ZNF799: variants seen among roughly 807,000 people sequenced by gnomAD.
ZNF799 encodes zinc finger protein 14.
In ZNF799, 28 loss-of-function variants were observed where a neutral mutation model predicts 41.0. The ratio of observed to expected loss-of-function variants is 0.68; its 90% CI spans 0.51 to 0.94. The LOEUF is 0.94. ZNF799 is among the 40% of genes least tolerant of loss of function. The probability of loss-of-function intolerance (pLI) is 0.00; values close to 1 mark genes in which losing one functional copy is unlikely to be tolerated. For missense variants in ZNF799, 716 were observed against 764.3 expected, an observed-to-expected ratio of 0.94 and a Z score of 0.74; for synonymous variants, 213 against 252.9, an observed-to-expected ratio of 0.84 and a Z score of 1.50.
chr19:12,400,531 C>A (rs1167730292), intron 1 of ZNF799: 1 of 163,380 alleles, frequency 6.1e-6, no homozygotes, highest in Non-Finnish European at 1.3e-5. Flanking sequence ...TGAATCCCAG[C>A]AAAGGCTGGC....
the ZNF799 span, among the ~76,000 whole-genome samples, chr19:12,406,464 A>G: frequency 4.0e-5 from 6 of 151,492 alleles, no homozygotes; most frequent in East Asian, 9.7e-4. Context: ...AGCCTGGGCA[A>G]CAGAGTGAGA....
At position 12,391,032 on chromosome 19, in the gene ZNF799, C is replaced by T. The variant is rs1345073796; in HGVS notation, c.1366G>A (p.Ala456Thr). 1 of 1,614,042 alleles carries T rather than the reference C, an allele frequency of 6.2e-7. No individual in the cohort carries two copies. Among genetic ancestry groups the T allele is most frequent in the African/African-American group, 1.3e-5 (1 of 74,932 alleles). ...EKPYKCKCGK[A>T]FIDFYSFQNH... is the part of the protein sequence containing the mutation. ...TGAAAGGAATAGAAATCAATAAAGG[C>T]TTTCCCACATTTGCATTTATAGGGT... is the stretch of plus-strand genomic sequence containing the variant. Residue 456 changes from alanine to threonine, a missense_variant, in exon 4 of 4, where the codon GCC becomes ACC. Physicochemically the swap from Ala to Thr is moderately conservative, Grantham distance 58. Around this residue, in one of 2 missense-constraint regions of ZNF799, gnomAD observed 698 missense variants for 713.6 expected, o/e 0.98. Transcript: ENST00000430385.
At chr19:12,396,874 G>A (rs1969902142) in intron 1 of ZNF799, among the ~76,000 whole-genome samples, 1 of 151,872 alleles carries the variant, frequency 6.6e-6, no homozygotes, top group African/African-American at 2.4e-5. Flanking sequence ...AATGTTAAAA[G>A]AAGTTCATCA....
At chr19:12,400,762 T>C in intron 1 of ZNF799, 1 of 558,390 alleles carries the variant, frequency 1.8e-6, no homozygotes, top group East Asian at 3.2e-5. Context: ...CTCGGTGCAG[T>C]GAGTCGGGCC....
rs376774719 is a variant in ZNF799 at position 12,397,121 on chromosome 19, T to C, written c.4-3698A>G. On this transcript the variant is annotated intron_variant, in intron 1 of 3. Transcript: ENST00000430385. ...TAGGGCAAATGGATGACGGTGATGTTAAATTGGGTGGGAGGGAGGAATGCT... is the reference window on the plus strand; with the variant it reads ...TAGGGCAAATGGATGACGGTGATGTCAAATTGGGTGGGAGGGAGGAATGCT... 9.1e-4 allele frequency among the ~76,000 whole-genome samples: 139 copies of C among 152,312 alleles called. 1 individual carries two copies. In the South Asian group the frequency reaches 0.028, roughly 30 times the overall value.
At chr19:12,403,662 C>T (rs924819152), upstream of ZNF799, among the ~76,000 whole-genome samples, 36 of 152,068 alleles carry the variant, frequency 2.4e-4, no homozygotes, top group Admixed American at 1.2e-3. Context: ...AAGCAATTCT[C>T]CTGCCTCAGC....
chr19:12,391,959 C>A lies in ZNF799; in HGVS notation c.439G>T (p.Gly147Trp). ...GEKPDTHKQR[G>W]KAFSYHNSLQ... ...GAGTTGTGGTAACTGAAGGCTTTCC[C>A]ACGTTGTTTATGCGTATCTGGCTTC... is the stretch of plus-strand genomic sequence containing the variant. Residue 147 changes from glycine to tryptophan, a missense_variant, in exon 4 of 4, where the codon GGG becomes TGG. This residue lies in a region of ZNF799 where 698 missense variants were observed against 713.6 expected (regional missense o/e 0.98). Transcript: ENST00000430385. The A allele has an allele frequency of 6.2e-7, 1 of 1,614,152 alleles. No homozygotes were observed. Among genetic ancestry groups the A allele is most frequent in the Non-Finnish European group, 8.5e-7 (1 of 1,180,014 alleles).
At chr19:12,402,416 CTTTTT>C (rs745521629), upstream of ZNF799, among the ~76,000 whole-genome samples, 2 of 125,048 alleles carry the variant, frequency 1.6e-5, no homozygotes, top group African/African-American at 6.1e-5. Flanking sequence ...CCCTTTATTT[CTTTTT>C]TTTTTTTTTT....
chr19:12,410,489 T>C, the ZNF799 span, among the ~76,000 whole-genome samples: 3 of 151,774 alleles, frequency 2.0e-5, no homozygotes, highest in Admixed American at 6.6e-5. Flanking sequence ...ATTCAAAGAA[T>C]TGAATGCAAA....
chr19:12,406,648 C>G, the ZNF799 span, among the ~76,000 whole-genome samples: 1,029 of 151,956 alleles, frequency 6.8e-3, 2 homozygotes, highest in African/African-American at 0.024. Flanking sequence ...TGCCTGTAAT[C>G]CCAGTACTTT....
intron 1 of ZNF799, among the ~76,000 whole-genome samples, chr19:12,396,213 T>A (rs1969891928): frequency 6.6e-6 from 1 of 152,262 alleles, no homozygotes; most frequent in Non-Finnish European, 1.5e-5. Flanking sequence ...AAGCCATCTC[T>A]GAGAAACCTC....
intron 1 of ZNF799, chr19:12,400,841 A>C (rs1186899919): frequency 2.9e-6 from 2 of 693,288 alleles, no homozygotes; most frequent in Non-Finnish European, 4.7e-6. Flanking sequence ...AGCTGCCCAG[A>C]GAGGGCGCCG....
Position 12,391,921 on chromosome 19 carries a change from A to G in ZNF799, c.477T>C (p.His159=). The G allele has an allele frequency of 6.2e-7, 1 of 1,614,142 alleles. No homozygotes were observed. Among genetic ancestry groups the G allele is most frequent in the Non-Finnish European group, 8.5e-7 (1 of 1,180,020 alleles). ...AFSYHNSLQT[H]ERLHTGKKPY... is the part of the protein sequence containing the mutation. Reference sequence around the variant, plus strand: ...GTTTCTTTCCAGTGTGAAGCCTCTCATGTGTTTGAAGTGAGTTGTGGTAAC... The same window carrying G: ...GTTTCTTTCCAGTGTGAAGCCTCTCGTGTGTTTGAAGTGAGTTGTGGTAAC... Residue 159 remains histidine (H), a synonymous_variant, in exon 4 of 4, where the codon CAT becomes CAC. Coordinates refer to ENST00000430385, the MANE Select transcript of ZNF799 (RefSeq NM_001080821.3).
At chr19:12,411,831 T>A in the ZNF799 span, among the ~76,000 whole-genome samples, 1 of 152,148 alleles carries the variant, frequency 6.6e-6, no homozygotes, top group Non-Finnish European at 1.5e-5. Context: ...CAGGCTGGTA[T>A]CGAACTCCTG....
chr19:12,399,068 C>G (rs1424280032), intron 1 of ZNF799, among the ~76,000 whole-genome samples: 2 of 152,170 alleles, frequency 1.3e-5, no homozygotes, highest in East Asian at 3.8e-4. Flanking sequence ...AATCTCTAAT[C>G]ATAGGATGTA....
At position 12,391,153 on chromosome 19, in the gene ZNF799, G is replaced by A; in HGVS notation, c.1245C>T (p.His415=). ...PSVFQRHEKT[H]TAEKPYKCKQ... is the part of the protein sequence containing the mutation. ...TACATTTATAGGGTTTCTCTGCAGT[G>A]TGAGTCTTTTCATGCCTTTGAAATA... Residue 415 remains histidine, a synonymous_variant, in exon 4 of 4, where the codon CAC becomes CAT. Transcript: ENST00000430385. 3 of 1,614,198 alleles carry A rather than the reference G, an allele frequency of 1.9e-6. No homozygotes were observed. Among genetic ancestry groups the A allele is most frequent in the Non-Finnish European group, 2.5e-6 (3 of 1,180,016 alleles).
At chr19:12,409,244 G>A in the ZNF799 span, among the ~76,000 whole-genome samples, 17 of 152,068 alleles carry the variant, frequency 1.1e-4, no homozygotes, top group East Asian at 1.9e-4. Flanking sequence ...CAGGGTTCGC[G>A]CTCCTATGAG....
chr19:12,409,285 G>A, the ZNF799 span, among the ~76,000 whole-genome samples: 14 of 152,294 alleles, frequency 9.2e-5, no homozygotes, highest in South Asian at 2.7e-3. Context: ...TTGACAGCAT[G>A]TGCAGGCGGT....
At chr19:12,394,588 C>CA in intron 1 of ZNF799, 1 of 985,120 alleles carries the variant, frequency 1.0e-6, no homozygotes, top group Non-Finnish European at 1.2e-6. Flanking sequence ...TGAAGTATGA[C>CA]AACAGACTGA....
Sources: allele counts gnomAD v4.1 joint callset (sites outside exome capture counted in the v4.1 genomes callset), GRCh38; gene constraint gnomAD v4.1.1; regional missense constraint gnomAD v4.1.1; transcripts MANE v1.5; gene names NCBI Gene and HGNC (gene_info 2026-07-23, HGNC 2026-07-21).